The following DENND11 variants were observed in gnomAD, a reference collection of about 807,000 sequenced individuals.
DENND11 encodes DENN domain-containing protein 11.
Under a neutral mutation model 49.2 loss-of-function variants are expected in DENND11, and 34 were observed. That is an observed-to-expected ratio of 0.69 (90% confidence interval 0.53 to 0.92). The LOEUF (loss-of-function observed/expected upper bound fraction) is 0.92, where lower values mean the gene tolerates loss of function less well. DENND11 is among the 40% of genes least tolerant of loss of function. The pLI is 0.00. For missense variants in DENND11, 475 were observed against 581.6 expected (o/e 0.82, Z 1.88); for synonymous variants, 238 against 230.3 (o/e 1.03, Z -0.30).
intron 4 of DENND11, among the ~76,000 whole-genome samples, 194 bp from the exon 5 acceptor site, chr7:141,666,619 C>A (rs1161732928): frequency 6.6e-6 from 1 of 152,156 alleles, no homozygotes; most frequent in Non-Finnish European, 1.5e-5. Flanking sequence ...TTCTATAATA[C>A]AACAGCTCCC....
intron 3 of DENND11, among the ~76,000 whole-genome samples, chr7:141,681,498 C>G (rs1328966747): frequency 6.6e-6 from 1 of 152,024 alleles, no homozygotes; most frequent in Non-Finnish European, 1.5e-5. Flanking sequence ...TTACAAAGAT[C>G]AGATTTAGGG....
chr7:141,671,442 G>A (rs1382240296), intron 4 of DENND11, among the ~76,000 whole-genome samples: 3 of 152,220 alleles, frequency 2.0e-5, no homozygotes, highest in Non-Finnish European at 4.4e-5. Flanking sequence ...CTCCCAAAGT[G>A]TTGGGATTAC....
chr7:141,662,541 T>C lies in DENND11; in HGVS notation c.*115A>G. 2 of 650,990 alleles carry C rather than the reference T, an allele frequency of 3.1e-6. No homozygotes were observed. The highest frequency in any genetic ancestry group is 4.7e-6 in the Non-Finnish European group (2 of 425,588). 40.3% of individuals were successfully genotyped at this position (650,990 alleles called of 1,614,324 possible). Reference sequence around the variant, plus strand: ...CAAAAATTATGTTTGTTGGAAAGTATAAACAATATTCCTTTGTGTCAACTT... The same window carrying C: ...CAAAAATTATGTTTGTTGGAAAGTACAAACAATATTCCTTTGTGTCAACTT... On this transcript the variant is annotated 3_prime_UTR_variant, in exon 9 of 9. Transcript: ENST00000536163.
At chr7:141,689,996 C>T (rs1369272447) in intron 1 of DENND11, among the ~76,000 whole-genome samples, 1 of 152,224 alleles carries the variant, frequency 6.6e-6, no homozygotes. Flanking sequence ...GCTGAAATAG[C>T]GTAAAGTGGC....
At position 141,664,151 on chromosome 7, in the gene DENND11, A is replaced by T. The variant is rs562503761; in HGVS notation, c.1172+21T>A. The T allele has an allele frequency of 4.5e-6, 7 of 1,562,014 alleles. No homozygotes were observed. The African/African-American group carries it at 9.5e-5, about 21-fold the overall frequency. Reference sequence around the variant, plus strand: ...GAAGGGATCCTCAGGGAGACTCCACATCCACGGCCCCAGGACTCACAGCAC... The same window carrying T: ...GAAGGGATCCTCAGGGAGACTCCACTTCCACGGCCCCAGGACTCACAGCAC... On this transcript the variant is annotated intron_variant, in intron 8 of 8. Transcript: ENST00000536163.
At chr7:141,691,705 C>A (rs1404154200) in intron 1 of DENND11, among the ~76,000 whole-genome samples, 1 of 152,168 alleles carries the variant, frequency 6.6e-6, no homozygotes, top group Non-Finnish European at 1.5e-5. Context: ...GTATCCTTAT[C>A]CCATGGCAAG....
intron 2 of DENND11, among the ~76,000 whole-genome samples, chr7:141,686,293 A>C (rs1040947448): frequency 6.6e-6 from 1 of 152,190 alleles, no homozygotes; most frequent in Non-Finnish European, 1.5e-5. Flanking sequence ...ACCAAACCTC[A>C]AGTGAGGTCC....
chr7:141,674,230 A>AACACACACACACACACACAC lies in DENND11; in HGVS notation c.528-30_528-11dup, dbSNP rs35125206. 1.8e-4 allele frequency: 272 copies of AACACACACACACACACACAC among 1,494,496 alleles called. 4 individuals are homozygous for AACACACACACACACACACAC. The African/African-American group carries it at 2.6e-3, about 14-fold the overall frequency. 92.6% of individuals were successfully genotyped at this position (1,494,496 alleles called of 1,614,324 possible). A position where few individuals can be genotyped will look rare whatever the true frequency, so the allele number is the denominator to read the frequency against. ...CATCTCCAACTGGTGCCTGCAGAAA[A>AACACACACACACACACACAC]ACACACACACACACACACACACACA... is the stretch of plus-strand genomic sequence containing the variant. On this transcript the variant is annotated splice_polypyrimidine_tract_variant and intron_variant, in intron 3 of 8. Coordinates refer to ENST00000536163, the MANE Select transcript of DENND11 (RefSeq NM_001080392.2).
chr7:141,698,833 C>T (rs1229580113), intron 1 of DENND11, among the ~76,000 whole-genome samples: 1 of 152,174 alleles, frequency 6.6e-6, no homozygotes, highest in Non-Finnish European at 1.5e-5. Context: ...CTCTTTCACT[C>T]TCCCTCTCTC....
chr7:141,685,743 T>C (rs1798230030), intron 2 of DENND11, 107 bp from the exon 3 acceptor site: 1 of 1,256,902 alleles, frequency 8.0e-7, no homozygotes, highest in African/African-American at 1.5e-5. Flanking sequence ...ATGACAAAGC[T>C]CAGCCTCAAG....
chr7:141,701,273 C>T (rs1282884862), intron 1 of DENND11, among the ~76,000 whole-genome samples: 2 of 151,932 alleles, frequency 1.3e-5, no homozygotes, highest in African/African-American at 2.4e-5. Flanking sequence ...TTAATGCTCC[C>T]GGCGTTAATT....
chr7:141,664,286 G>A (rs777325454), intron 7 of DENND11, 46 bp from the exon 8 acceptor site: 29 of 1,469,762 alleles, frequency 2.0e-5, no homozygotes, highest in Admixed American at 1.4e-4. Flanking sequence ...TACCAGGACC[G>A]CAGTCACAGG....
intron 1 of DENND11, among the ~76,000 whole-genome samples, chr7:141,700,448 A>G (rs1206002968): frequency 6.6e-6 from 1 of 151,216 alleles, no homozygotes; most frequent in East Asian, 1.9e-4. Flanking sequence ...ACTGCATTCC[A>G]GCCTAGGCGA....
chr7:141,662,382 A>G lies in DENND11; in HGVS notation c.*274T>C, dbSNP rs1183679781. 2.7e-6 allele frequency: 1 copy of G among 376,244 alleles called. No homozygotes were observed. The highest frequency in any genetic ancestry group is 4.7e-6 in the Non-Finnish European group (1 of 212,384). The allele number at this position is 376,244 out of a possible 1,614,324, so 23.3% of individuals were successfully genotyped here. On this transcript the variant is annotated 3_prime_UTR_variant, in exon 9 of 9. Coordinates refer to ENST00000536163, the MANE Select transcript of DENND11 (RefSeq NM_001080392.2). ...CAGAGCTCAGCCTACTCCTAGTGAT[A>G]CAACTCCCATGACCAAGCCCAGAGG... is the stretch of plus-strand genomic sequence containing the variant.
intron 3 of DENND11, among the ~76,000 whole-genome samples, chr7:141,684,515 TGTGA>T (rs1798199510): frequency 6.6e-6 from 1 of 152,214 alleles, no homozygotes; most frequent in African/African-American, 2.4e-5. Flanking sequence ...AATGGATATC[TGTGA>T]GTGTTAATAT....
chr7:141,682,288 A>G (rs1266429109), intron 3 of DENND11, among the ~76,000 whole-genome samples: 1 of 152,210 alleles, frequency 6.6e-6, no homozygotes, highest in East Asian at 1.9e-4. Context: ...AGAAGAGTAT[A>G]CATGGATACC....
intron 3 of DENND11, among the ~76,000 whole-genome samples, chr7:141,681,439 T>C (rs2117068076): frequency 6.6e-6 from 1 of 152,324 alleles, no homozygotes; most frequent in East Asian, 1.9e-4. Context: ...AGGGCATCTA[T>C]GAAAGTCTCC....
rs562208418 is a variant in DENND11 at position 141,664,943 on chromosome 7, C to T, written c.1064G>A (p.Ser355Asn). Residue 355 changes from serine (S) to asparagine (N), a missense_variant, in exon 7 of 9, where the codon AGT (serine) becomes AAT (asparagine). Coordinates refer to ENST00000536163, the MANE Select transcript of DENND11 (RefSeq NM_001080392.2). ...CCGGCGGTACTTCTCCCTGTCAGCA[C>T]TGTTGATCTTCAGCAGCGGCTGCAG... ...DHLQPLLKINSADREKYRRLN... is the reference protein window; with the variant it reads ...DHLQPLLKINNADREKYRRLN... 6.2e-7 allele frequency: 1 copy of T among 1,613,460 alleles called. No homozygotes were observed. Among genetic ancestry groups the T allele is most frequent in the Admixed American group, 1.7e-5 (1 of 59,968 alleles).
chr7:141,700,401 ATG>A (rs1468558025), intron 1 of DENND11, among the ~76,000 whole-genome samples: 1 of 151,148 alleles, frequency 6.6e-6, no homozygotes, highest in Non-Finnish European at 1.5e-5. Flanking sequence ...GTCAACCAGC[ATG>A]TGTGATGAAC....
Sources: allele counts gnomAD v4.1 joint callset (sites outside exome capture counted in the v4.1 genomes callset), GRCh38; gene constraint gnomAD v4.1.1; transcripts MANE v1.5; gene names NCBI Gene and HGNC (gene_info 2026-07-23, HGNC 2026-07-21).